Variants in MYH13 observed in about 807,000 individuals in gnomAD.
The protein encoded by MYH13 is myosin-13.
MYH13 carries 177 observed loss-of-function variants against 232.1 expected under a neutral mutation model. The ratio of observed to expected loss-of-function variants is 0.76; its 90% CI spans 0.67 to 0.86. The LOEUF (loss-of-function observed/expected upper bound fraction) is 0.86. Ranked by LOEUF, MYH13 falls within the 40% of genes least tolerant of loss-of-function variation. The probability of loss-of-function intolerance (pLI) is 0.00; values close to 1 mark genes in which losing one functional copy is unlikely to be tolerated. For synonymous variants in MYH13, 884 were observed against 923.5 expected, an observed-to-expected ratio of 0.96 and a Z score of 0.78; for missense variants, 2,246 against 2,405.9, an observed-to-expected ratio of 0.93 and a Z score of 1.39.
At chr17:10,353,417 G>T (rs1404673879) in intron 11 of MYH13, among the ~76,000 whole-genome samples, 1 of 152,168 alleles carries the variant, frequency 6.6e-6, no homozygotes. Context: ...TGGTCATGGG[G>T]CAGTGTCTCT....
Position 10,316,003 on chromosome 17 carries a change from C to T in MYH13, c.3761G>A (p.Arg1254Gln), listed in dbSNP as rs779170976. ...TTCACTAAATTGATCTTCTACCGTCCGGCACGTTCTTTCTATGTTACTCTT... is the reference window on the plus strand; with the variant it reads ...TTCACTAAATTGATCTTCTACCGTCTGGCACGTTCTTTCTATGTTACTCTT... ...KSKSNIERTC[R>Q]TVEDQFSEIK... Residue 1254 changes from arginine (R) to glutamine (Q), a missense_variant, in exon 28 of 41, where the codon CGG (arginine) becomes CAG (glutamine). By Grantham distance (43) the Arg-to-Gln change is conservative. Transcript: ENST00000252172. The T allele has an allele frequency of 4.6e-5, 75 of 1,613,822 alleles. No individual in the cohort carries two copies. Among genetic ancestry groups the T allele is most frequent in the Non-Finnish European group, 4.7e-5 (56 of 1,179,888 alleles).
intron 32 of MYH13, 108 bp from the exon 33 acceptor site, chr17:10,311,335 G>A: frequency 7.2e-7 from 1 of 1,391,432 alleles, no homozygotes; most frequent in Non-Finnish European, 9.8e-7. Context: ...CATTTATACA[G>A]GAGAGAATAC....
At position 10,327,989 on chromosome 17, in the gene MYH13, C is replaced by G; in HGVS notation, c.2568G>C (p.Met856Ile). Reference protein sequence around the residue: ...SAEAEKEMATMKEDFERTKEE... With the variant: ...SAEAEKEMATIKEDFERTKEE... Reference sequence around the variant, plus strand: ...CCTTGGTCCTCTCAAAGTCTTCCTTCATGGTGGCCATCTCCTTCTCGGCCT... The same window carrying G: ...CCTTGGTCCTCTCAAAGTCTTCCTTGATGGTGGCCATCTCCTTCTCGGCCT... The change falls in exon 22 of 41, where the codon ATG becomes ATC. Residue 856 changes from methionine to isoleucine, a missense_variant. Met to Ile is a conservative substitution (Grantham distance 10). Coordinates refer to ENST00000252172, the MANE Select transcript of MYH13 (RefSeq NM_003802.3). The G allele has an allele frequency of 6.2e-7, 1 of 1,614,164 alleles. No individual in the cohort carries two copies. Among genetic ancestry groups the G allele is most frequent in the Non-Finnish European group, 8.5e-7 (1 of 1,180,020 alleles).
rs71139041 is a variant in MYH13 at position 10,347,712 on chromosome 17, C to CTTTT, written c.1145-918_1145-915dup. 1.5e-3 allele frequency among the ~76,000 whole-genome samples: 130 copies of CTTTT among 86,694 alleles called. 4 individuals are homozygous for CTTTT. The highest frequency in any genetic ancestry group is 2.6e-3 in the African/African-American group (58 of 22,440). The allele number at this position is 86,694 out of a possible 152,430, so 56.9% of individuals were successfully genotyped here. ...AAATGCTGCTCCCCAGGGACTACTT[C>CTTTT]TTTTTTTTTTTTTTTTTTTTTTTGG... On this transcript the variant is annotated intron_variant, in intron 12 of 40. Transcript: ENST00000252172.
chr17:10,321,855 C>T (rs1906952007), intron 23 of MYH13, 147 bp from the exon 24 acceptor site: 1 of 676,186 alleles, frequency 1.5e-6, no homozygotes, highest in African/African-American at 1.8e-5. Flanking sequence ...GACAGACTCT[C>T]AGTTCTTTAT....
chr17:10,338,731 CGCTCTGTCGCCCAG>C (rs1252758744), intron 18 of MYH13, among the ~76,000 whole-genome samples: 4 of 129,676 alleles, frequency 3.1e-5, no homozygotes, highest in Non-Finnish European at 4.8e-5. Flanking sequence ...GACGGAGTTT[CGCTCTGTCGCCCAG>C]GCTGGAATGC....
At chr17:10,337,058 G>A (rs1453550558) in intron 18 of MYH13, among the ~76,000 whole-genome samples, 1 of 152,022 alleles carries the variant, frequency 6.6e-6, no homozygotes, top group African/African-American at 2.4e-5. Flanking sequence ...GGGATTACAG[G>A]CATGCACCAC....
At chr17:10,332,691 T>C (rs558844606) in intron 19 of MYH13, among the ~76,000 whole-genome samples, 392 of 152,254 alleles carry the variant, frequency 2.6e-3, no homozygotes, top group Non-Finnish European at 4.7e-3. Flanking sequence ...CTAGAGAGTT[T>C]TGATTGTCAC....
intron 3 of MYH13, among the ~76,000 whole-genome samples, chr17:10,362,902 G>A (rs2071805012): frequency 6.6e-6 from 1 of 152,070 alleles, no homozygotes; most frequent in Non-Finnish European, 1.5e-5. Context: ...CTGCTCATGA[G>A]GTTTCCTTCA....
At chr17:10,344,600 A>G (rs556162081) in intron 15 of MYH13, among the ~76,000 whole-genome samples, 1 of 151,768 alleles carries the variant, frequency 6.6e-6, no homozygotes, top group South Asian at 2.1e-4. Context: ...GGTGGATCAC[A>G]AGGTCAGGAG....
At chr17:10,339,091 CA>C (rs2071600792) in intron 18 of MYH13, among the ~76,000 whole-genome samples, 1 of 152,270 alleles carries the variant, frequency 6.6e-6, no homozygotes, top group South Asian at 2.1e-4. Flanking sequence ...TTTTCCCCCC[CA>C]ACCCCCCGAC....
chr17:10,359,081 C>T (rs149475317), intron 7 of MYH13, among the ~76,000 whole-genome samples: 10 of 152,290 alleles, frequency 6.6e-5, no homozygotes, highest in East Asian at 1.9e-4. Context: ...TTTCCTGGTA[C>T]GCAGCTCCTA....
At chr17:10,361,835 C>G (rs917759874) in intron 5 of MYH13, among the ~76,000 whole-genome samples, 1 of 152,188 alleles carries the variant, frequency 6.6e-6, no homozygotes, top group African/African-American at 2.4e-5. Context: ...CAAAGTACAC[C>G]TGGATTGGGG....
intron 24 of MYH13, among the ~76,000 whole-genome samples, chr17:10,320,846 G>A (rs1442825184): frequency 2.0e-5 from 3 of 152,236 alleles, no homozygotes; most frequent in African/African-American, 7.2e-5. Flanking sequence ...ACAGCACTGT[G>A]AAGGTCTGTG....
chr17:10,324,484 G>A (rs1052729891), intron 22 of MYH13, among the ~76,000 whole-genome samples: 3 of 151,924 alleles, frequency 2.0e-5, no homozygotes, highest in African/African-American at 7.3e-5. Context: ...TTCTCTCTGT[G>A]GCCCAGGCTG....
At chr17:10,364,793 A>G (rs1423329319) in intron 2 of MYH13, among the ~76,000 whole-genome samples, 1 of 151,920 alleles carries the variant, frequency 6.6e-6, no homozygotes, top group African/African-American at 2.4e-5. Flanking sequence ...TTTTGGGAAT[A>G]TTTTAGTTCA....
rs770526034 is a variant in MYH13 at position 10,362,222 on chromosome 17, A to G, written c.401T>C (p.Val134Ala). 4 of 1,613,776 alleles carry G rather than the reference A, an allele frequency of 2.5e-6. No individual in the cohort carries two copies. In the South Asian group the frequency reaches 3.3e-5, roughly 13 times the overall value. ...VTVNPYKWLPVYKPEVVAAYR... is the reference protein window; with the variant it reads ...VTVNPYKWLPAYKPEVVAAYR... ...GGCAGCCACCACCTCGGGCTTGTACACCGGCAGCCACTTGTAGGGGTTGAC... is the reference window on the plus strand; with the variant it reads ...GGCAGCCACCACCTCGGGCTTGTACGCCGGCAGCCACTTGTAGGGGTTGAC... The change falls in exon 5 of 41, where the codon GTG becomes GCG. Residue 134 changes from valine (V) to alanine (A), a missense_variant. Transcript: ENST00000252172.
intron 23 of MYH13, among the ~76,000 whole-genome samples, chr17:10,322,460 G>C (rs1906989233): frequency 6.6e-6 from 1 of 152,114 alleles, no homozygotes; most frequent in Non-Finnish European, 1.5e-5. Context: ...TCAGGAAGCA[G>C]GAGGAGGGCA....
At chr17:10,369,689 A>G (rs1357430605) in intron 2 of MYH13, among the ~76,000 whole-genome samples, 1 of 146,524 alleles carries the variant, frequency 6.8e-6, no homozygotes, top group Admixed American at 6.7e-5. Flanking sequence ...GTTTTCAAGT[A>G]GAGATTTTTT....
Sources: gnomAD v4.1 joint callset for allele counts (sites outside exome capture counted in the v4.1 genomes callset) on GRCh38, gnomAD v4.1.1 for gene constraint, MANE v1.5 for transcripts, NCBI Gene and HGNC (gene_info 2026-07-23, HGNC 2026-07-21) for gene names.